ACSM5: variants seen among roughly 807,000 people sequenced by gnomAD.
The protein encoded by ACSM5 is acyl-coenzyme A synthetase ACSM5, mitochondrial.
In ACSM5, 56 loss-of-function variants were observed where a neutral mutation model predicts 71.6. The ratio of observed to expected loss-of-function variants is 0.78; its 90% CI spans 0.63 to 0.98. ACSM5 has a LOEUF of 0.98. ACSM5 is among the 50% of genes least tolerant of loss of function. The pLI is 0.00. For synonymous variants in ACSM5, 285 were observed against 281.5 expected (o/e 1.01, Z -0.12); for missense variants, 723 against 726.0 (o/e 1.00, Z 0.05).
chr16:20,426,146 C>A (rs1408488113), intron 6 of ACSM5, among the ~76,000 whole-genome samples: 2 of 152,196 alleles, frequency 1.3e-5, no homozygotes, highest in African/African-American at 2.4e-5. Flanking sequence ...GCTGGTATCA[C>A]ATGGTGGACC....
At chr16:20,429,646 C>T (rs768147846) in intron 7 of ACSM5, 32 bp from the exon 8 acceptor site, 17 of 1,613,120 alleles carry the variant, frequency 1.1e-5, no homozygotes. Flanking sequence ...AAGATCCTGA[C>T]ATAGGTGGCC....
intron 2 of ACSM5, among the ~76,000 whole-genome samples, chr16:20,412,817 A>C (rs1335154979): frequency 1.3e-5 from 2 of 152,242 alleles, no homozygotes; most frequent in African/African-American, 2.4e-5. Context: ...TAATTCAAAG[A>C]ATTGTATTCA....
chr16:20,426,542 G>A (rs1966983863), intron 6 of ACSM5, among the ~76,000 whole-genome samples: 2 of 152,072 alleles, frequency 1.3e-5, no homozygotes, highest in Admixed American at 6.6e-5. Flanking sequence ...AACAAAATGT[G>A]GTGTATATGT....
At chr16:20,438,522 A>G (rs1434827561) in intron 12 of ACSM5, among the ~76,000 whole-genome samples, 1 of 151,806 alleles carries the variant, frequency 6.6e-6, no homozygotes, top group East Asian at 1.9e-4. Flanking sequence ...GTGGAGTCCC[A>G]TTGATGTGCT....
chr16:20,439,749 A>G (rs1306662487), intron 12 of ACSM5, 51 bp from the exon 13 acceptor site: 2 of 1,549,478 alleles, frequency 1.3e-6, no homozygotes, highest in Non-Finnish European at 1.8e-6. Flanking sequence ...TAAGGAGAAA[A>G]GAGTTGTTAT....
chr16:20,410,821 T>A (rs1264985892), intron 1 of ACSM5, among the ~76,000 whole-genome samples: 4 of 152,200 alleles, frequency 2.6e-5, no homozygotes, highest in Non-Finnish European at 5.9e-5. Flanking sequence ...CAGCCACTTG[T>A]GGCTTTTGAG....
chr16:20,436,508 T>A (rs1967203369), intron 10 of ACSM5, among the ~76,000 whole-genome samples: 1 of 152,068 alleles, frequency 6.6e-6, no homozygotes, highest in South Asian at 2.1e-4. Flanking sequence ...GTAGCTGGAA[T>A]TACAGGCATG....
At chr16:20,425,723 T>C (rs140040996) in intron 6 of ACSM5, among the ~76,000 whole-genome samples, 2,839 of 152,274 alleles carry the variant, frequency 0.019, 69 homozygotes, top group African/African-American at 0.065. Context: ...AATAATAGTC[T>C]ACAATCTCAT....
intron 2 of ACSM5, among the ~76,000 whole-genome samples, chr16:20,415,832 CT>C (rs748382872): frequency 1.3e-5 from 2 of 152,092 alleles, no homozygotes; most frequent in African/African-American, 2.4e-5. Context: ...CATTGTTTTC[CT>C]TTTATTTTAA....
In ACSM5 at chr16:20,440,404, C is replaced by T. The variant is rs200466130; in HGVS notation, c.1717C>T (p.Arg573Ter). 157 of 1,610,322 alleles carry T rather than the reference C, an allele frequency of 9.7e-5. 1 individual carries two copies. In the South Asian group the frequency reaches 1.1e-3, roughly 11 times the overall value. The change falls in exon 14 of 14, where the codon CGA becomes TGA. Residue 573 changes from arginine to a stop codon, truncating the protein, a stop_gained. Coordinates refer to ENST00000331849, the MANE Select transcript of ACSM5 (RefSeq NM_017888.3). LOFTEE classifies it high-confidence loss of function. ...TGGAAAGATCCAAAGGAGTAAATTG[C>T]GAAGTCAGGAGTGGGGGAAATGAGG... Reference protein sequence around the residue: ...VSGKIQRSKLRSQEWGK With the variant: ...VSGKIQRSKL
At chr16:20,439,054 A>G (rs1403601660) in intron 12 of ACSM5, among the ~76,000 whole-genome samples, 2 of 149,512 alleles carry the variant, frequency 1.3e-5, no homozygotes, top group Admixed American at 6.7e-5. Context: ...CTGTCTGAAC[A>G]TGAAATGATA....
intron 10 of ACSM5, among the ~76,000 whole-genome samples, chr16:20,433,585 A>T (rs1967141572): frequency 6.6e-6 from 1 of 152,204 alleles, no homozygotes; most frequent in Non-Finnish European, 1.5e-5. Flanking sequence ...AAAAGGAGAA[A>T]AAGAAGAGAG....
At chr16:20,435,763 T>C (rs908458643) in intron 10 of ACSM5, among the ~76,000 whole-genome samples, 4 of 152,222 alleles carry the variant, frequency 2.6e-5, no homozygotes, top group African/African-American at 9.6e-5. Context: ...ATGATGTTTC[T>C]GCAAGTCATC....
At chr16:20,418,322 G>A in intron 3 of ACSM5, 53 bp downstream of exon 3, 1 of 1,534,978 alleles carries the variant, frequency 6.5e-7, no homozygotes, top group Admixed American at 1.9e-5. Flanking sequence ...ACTTGCCAGA[G>A]CTTTGCAGTG....
At chr16:20,424,191 C>T (rs1268166125) in intron 6 of ACSM5, 122 bp downstream of exon 6, 1 of 1,253,530 alleles carries the variant, frequency 8.0e-7, no homozygotes, top group Middle Eastern at 2.8e-4. Context: ...TTTGGTGTGG[C>T]TCCCTGGCCT....
rs569332821 is a variant in ACSM5 at position 20,413,207 on chromosome 16, A to G, written c.204+1519A>G. ...GCAATACTAGGGGTATCCTTAGAAG[A>G]CTTCTCCTAATGATAAAAACAAGCA... On this transcript the variant is annotated intron_variant, in intron 2 of 13. Transcript: ENST00000331849. Among the ~76,000 whole-genome samples, 5 of 152,298 alleles carry G rather than the reference A, an allele frequency of 3.3e-5. No homozygotes were observed. In the South Asian group the frequency reaches 1.0e-3, roughly 32 times the overall value.
intron 6 of ACSM5, among the ~76,000 whole-genome samples, chr16:20,426,425 T>C (rs1321730302): frequency 1.3e-5 from 2 of 152,164 alleles, no homozygotes; most frequent in African/African-American, 4.8e-5. Context: ...GGGTCTCTCA[T>C]GAGGTTGCAA....
chr16:20,420,391 G>A (rs140397358), intron 4 of ACSM5, among the ~76,000 whole-genome samples: 5,146 of 152,242 alleles, frequency 0.034, 116 homozygotes, highest in Middle Eastern at 0.068. Context: ...ACCCGAGGTC[G>A]GGAGTTTGAG....
chr16:20,424,554 C>CCTAA (rs57517877), intron 6 of ACSM5, among the ~76,000 whole-genome samples: 28,704 of 151,884 alleles, frequency 0.19, 5,433 homozygotes, highest in African/African-American at 0.5. Flanking sequence ...CCCCCCACAT[C>CCTAA]CTGTCATTCC....
Sources: gnomAD v4.1 joint callset for allele counts (sites outside exome capture counted in the v4.1 genomes callset) on GRCh38, gnomAD v4.1.1 for gene constraint, MANE v1.5 for transcripts, NCBI Gene and HGNC (gene_info 2026-07-23, HGNC 2026-07-21) for gene names.